NLK: variants seen among roughly 807,000 people sequenced by gnomAD.
The protein encoded by NLK is serine/threonine-protein kinase NLK.
Under a neutral mutation model 59.0 loss-of-function variants are expected in NLK, and 11 were observed. The ratio of observed to expected loss-of-function variants is 0.19; its 90% CI spans 0.12 to 0.31. NLK has a LOEUF of 0.31. Among genes scored for constraint, NLK ranks in the 10% least tolerant of loss-of-function variants. The pLI is 1.00. For synonymous variants in NLK, 235 were observed against 235.9 expected (o/e 1.00, Z 0.03); for missense variants, 410 against 661.1 (o/e 0.62, Z 4.16).
intron 2 of NLK, among the ~76,000 whole-genome samples, chr17:28,130,819 A>G (rs1157104514): frequency 6.6e-6 from 1 of 152,212 alleles, no homozygotes; most frequent in Non-Finnish European, 1.5e-5. Flanking sequence ...TTGTTCTGGC[A>G]CATAATGAGA....
At chr17:28,168,899 T>A (rs1197718322) in intron 6 of NLK, among the ~76,000 whole-genome samples, 1 of 152,130 alleles carries the variant, frequency 6.6e-6, no homozygotes, top group Admixed American at 6.5e-5. Context: ...TATTATTATT[T>A]TTTGAGACGG....
intron 1 of NLK, among the ~76,000 whole-genome samples, chr17:28,093,328 T>C (rs1243268392): frequency 6.6e-6 from 1 of 152,180 alleles, no homozygotes; most frequent in East Asian, 1.9e-4. Context: ...GAAACCAAAA[T>C]TGAATGCTCC....
downstream of NLK, among the ~76,000 whole-genome samples, chr17:28,198,000 G>A (rs912692880): frequency 2.0e-5 from 3 of 152,150 alleles, no homozygotes; most frequent in Non-Finnish European, 2.9e-5. Context: ...AACACATGGG[G>A]GAAACTAAGC....
chr17:28,131,214 C>T (rs1008919776), intron 2 of NLK, among the ~76,000 whole-genome samples: 12 of 151,770 alleles, frequency 7.9e-5, no homozygotes, highest in African/African-American at 2.7e-4. Context: ...CAAGAGGAAA[C>T]GGAAAAGAGA....
intron 1 of NLK, among the ~76,000 whole-genome samples, chr17:28,081,183 C>T (rs565048608): frequency 9.2e-5 from 14 of 151,976 alleles, no homozygotes; most frequent in African/African-American, 3.4e-4. Flanking sequence ...GGCCACCATG[C>T]CAGGCCTAGA....
chr17:28,152,093 C>G (rs141891600), intron 3 of NLK, among the ~76,000 whole-genome samples: 3 of 152,080 alleles, frequency 2.0e-5, no homozygotes, highest in Non-Finnish European at 2.9e-5. Flanking sequence ...CATTCAAATC[C>G]CACAGGTATA....
intron 1 of NLK, among the ~76,000 whole-genome samples, chr17:28,059,407 G>A (rs1909553836): frequency 2.0e-5 from 3 of 151,794 alleles, no homozygotes; most frequent in Admixed American, 2.0e-4. Context: ...TATTTATACT[G>A]TTTTCTATAA....
At chr17:28,079,122 G>T (rs1910262313) in intron 1 of NLK, among the ~76,000 whole-genome samples, 1 of 152,184 alleles carries the variant, frequency 6.6e-6, no homozygotes, top group South Asian at 2.1e-4. Flanking sequence ...GTGGAATCAT[G>T]CAGTATTTGT....
intron 3 of NLK, among the ~76,000 whole-genome samples, chr17:28,142,209 T>C (rs1315426850): frequency 6.6e-6 from 1 of 152,218 alleles, no homozygotes; most frequent in African/African-American, 2.4e-5. Flanking sequence ...TTTTCTTTTT[T>C]TTCTGGTGAT....
At chr17:28,099,058 A>G (rs886554416) in intron 1 of NLK, among the ~76,000 whole-genome samples, 3 of 152,092 alleles carry the variant, frequency 2.0e-5, no homozygotes, top group Admixed American at 6.5e-5. Context: ...GAATTTTGGG[A>G]CAAAAAGGTC....
chr17:28,202,980 C>A, the NLK span, among the ~76,000 whole-genome samples: 9 of 152,018 alleles, frequency 5.9e-5, no homozygotes, highest in African/African-American at 2.2e-4. Context: ...CTGCGCCCGG[C>A]CATTTCTTCT....
chr17:28,119,585 G>T (rs1030726540), intron 1 of NLK, among the ~76,000 whole-genome samples: 13 of 152,100 alleles, frequency 8.5e-5, no homozygotes, highest in Admixed American at 3.9e-4. Flanking sequence ...TATTTATTGT[G>T]CCCGGCTAAC....
chr17:28,103,696 G>C (rs2142793099), intron 1 of NLK, among the ~76,000 whole-genome samples: 1 of 152,256 alleles, frequency 6.6e-6, no homozygotes, highest in East Asian at 1.9e-4. Flanking sequence ...CTTAGCAGGT[G>C]CACTCTCCCT....
At chr17:28,125,281 A>G (rs902505908) in intron 2 of NLK, among the ~76,000 whole-genome samples, 10 of 152,236 alleles carry the variant, frequency 6.6e-5, no homozygotes, top group Admixed American at 5.2e-4. Flanking sequence ...CAATTAAAAC[A>G]TAGAAGCAAT....
chr17:28,125,921 T>A (rs2142823120), intron 2 of NLK, among the ~76,000 whole-genome samples: 1 of 152,324 alleles, frequency 6.6e-6, no homozygotes, highest in East Asian at 1.9e-4. Context: ...TAGGGCTTGT[T>A]AACCTTACTT....
intron 1 of NLK, among the ~76,000 whole-genome samples, chr17:28,117,636 T>C (rs1459578907): frequency 6.6e-6 from 1 of 152,222 alleles, no homozygotes; most frequent in African/African-American, 2.4e-5. Flanking sequence ...ATGAACTGTT[T>C]CTCAGCCTTG....
intron 1 of NLK, among the ~76,000 whole-genome samples, chr17:28,052,034 TG>T (rs1007548504): frequency 4.6e-5 from 7 of 152,122 alleles, no homozygotes; most frequent in Non-Finnish European, 8.8e-5. Context: ...TCAAGAGACT[TG>T]TTTTCTTCTA....
Position 28,121,495 on chromosome 17 carries a change from C to CTTTTTTTTTTTTTTTTTT in NLK, c.459-1100_459-1083dup, listed in dbSNP as rs58647578. Among the ~76,000 whole-genome samples, 53 of 72,288 alleles carry CTTTTTTTTTTTTTTTTTT rather than the reference C, an allele frequency of 7.3e-4. 4 individuals are homozygous for CTTTTTTTTTTTTTTTTTT. Among genetic ancestry groups the CTTTTTTTTTTTTTTTTTT allele is most frequent in the South Asian group, 3.4e-3 (5 of 1,450 alleles). The allele number at this position is 72,288 out of a possible 152,430, so 47.4% of individuals were successfully genotyped here. ...TTGGTATTTCTTTTTTCTTTCTTTTCTTTTTTTTTTTTTTTTTTTTTTTTT... is the reference window on the plus strand; with the variant it reads ...TTGGTATTTCTTTTTTCTTTCTTTTCTTTTTTTTTTTTTTTTTTTTTTTTTTTTTTTTTTTTTTTTTTT... On this transcript the variant is annotated intron_variant, in intron 1 of 10. Coordinates refer to ENST00000407008, the MANE Select transcript of NLK (RefSeq NM_016231.5).
chr17:28,047,608 C>G lies in NLK; in HGVS notation c.458+4277C>G, dbSNP rs148309426. On this transcript the variant is annotated intron_variant, in intron 1 of 10. Coordinates refer to ENST00000407008, the MANE Select transcript of NLK (RefSeq NM_016231.5). Reference sequence around the variant, plus strand: ...ATTGTCGAAGTAGAGATTCACTTTGCTTATGTTTGGATGAAAAAGTGTGAA... The same window carrying G: ...ATTGTCGAAGTAGAGATTCACTTTGGTTATGTTTGGATGAAAAAGTGTGAA... Among the ~76,000 whole-genome samples the G allele has an allele frequency of 5.9e-3, 892 of 152,180 alleles. 10 individuals carry two copies. Among genetic ancestry groups the G allele is most frequent in the African/African-American group, 0.021 (853 of 41,520 alleles).
Sources: allele counts gnomAD v4.1 joint callset (sites outside exome capture counted in the v4.1 genomes callset), GRCh38; gene constraint gnomAD v4.1.1; transcripts MANE v1.5; gene names NCBI Gene and HGNC (gene_info 2026-07-23, HGNC 2026-07-21).